SGCZ: variants seen among roughly 807,000 people sequenced by gnomAD.
The protein encoded by SGCZ is sarcoglycan zeta.
SGCZ carries 40 observed loss-of-function variants against 41.3 expected under a neutral mutation model. The observed-to-expected ratio is 0.97, with a 90% CI of 0.75 to 1.26. The LOEUF (loss-of-function observed/expected upper bound fraction) is 1.26, where lower values mean the gene tolerates loss of function less well. Ranked by LOEUF, SGCZ falls within the 50% of genes most tolerant of loss-of-function variation. The pLI, the probability that SGCZ is intolerant of heterozygous loss-of-function variation, is 0.00. For missense variants in SGCZ, 552 were observed against 369.8 expected, an observed-to-expected ratio of 1.49 and a Z score of -4.04; for synonymous variants, 206 against 137.5, an observed-to-expected ratio of 1.50 and a Z score of -3.49.
At chr8:14,758,781 G>A (rs1799766657) in intron 1 of SGCZ, among the ~76,000 whole-genome samples, 1 of 152,246 alleles carries the variant, frequency 6.6e-6, no homozygotes, top group African/African-American at 2.4e-5. Flanking sequence ...GGCCGAGGCG[G>A]GTGGATCACC....
At chr8:14,722,032 A>G (rs1440414819) in intron 1 of SGCZ, among the ~76,000 whole-genome samples, 1 of 152,092 alleles carries the variant, frequency 6.6e-6, no homozygotes, top group African/African-American at 2.4e-5. Context: ...CTTCTTTTGA[A>G]TGTCATCTTC....
At chr8:14,715,246 C>G (rs932311500) in intron 1 of SGCZ, among the ~76,000 whole-genome samples, 5 of 152,128 alleles carry the variant, frequency 3.3e-5, no homozygotes, top group Non-Finnish European at 5.9e-5. Context: ...TGATCCATCT[C>G]AAGAGGTTCA....
At chr8:14,565,363 A>G (rs1176924384) in intron 1 of SGCZ, among the ~76,000 whole-genome samples, 1 of 151,964 alleles carries the variant, frequency 6.6e-6, no homozygotes, top group Non-Finnish European at 1.5e-5. Context: ...TGGGCTTTTA[A>G]CTTTGAAATC....
At chr8:15,136,465 T>C (rs558799463) in intron 1 of SGCZ, among the ~76,000 whole-genome samples, 2 of 151,812 alleles carry the variant, frequency 1.3e-5, no homozygotes, top group Non-Finnish European at 2.9e-5. Context: ...AGGTGGGTAA[T>C]TGTCAGGGAA....
intron 1 of SGCZ, among the ~76,000 whole-genome samples, chr8:14,575,803 G>T (rs879865904): frequency 6.6e-6 from 1 of 151,834 alleles, no homozygotes; most frequent in Non-Finnish European, 1.5e-5. Flanking sequence ...CTACTTTGGA[G>T]GCTGAGGCAG....
intron 1 of SGCZ, among the ~76,000 whole-genome samples, chr8:14,568,033 A>T (rs10100882): frequency 0.017 from 2,609 of 152,246 alleles, 77 homozygotes; most frequent in African/African-American, 0.06. Context: ...TGGACACAAT[A>T]TGATCAACCT....
intron 1 of SGCZ, among the ~76,000 whole-genome samples, chr8:14,836,893 AC>A (rs1802719185): frequency 6.6e-6 from 1 of 152,186 alleles, no homozygotes; most frequent in Non-Finnish European, 1.5e-5. Context: ...AACAATATTC[AC>A]AGTCCAGAAT....
At chr8:14,527,550 A>T (rs886906434) in intron 2 of SGCZ, among the ~76,000 whole-genome samples, 11 of 150,872 alleles carry the variant, frequency 7.3e-5, no homozygotes, top group African/African-American at 2.2e-4. Context: ...ACCTTTTTTT[A>T]AAAAAACATC....
chr8:14,459,397 C>A (rs1365414537), intron 2 of SGCZ, among the ~76,000 whole-genome samples: 2 of 151,258 alleles, frequency 1.3e-5, no homozygotes, highest in Non-Finnish European at 2.9e-5. Context: ...TGCACATGTA[C>A]CCTAAACCTT....
intron 1 of SGCZ, among the ~76,000 whole-genome samples, chr8:15,039,375 A>G (rs972486228): frequency 6.6e-6 from 1 of 152,214 alleles, no homozygotes; most frequent in African/African-American, 2.4e-5. Context: ...CCAGGCACAG[A>G]GAGACAAATA....
Position 14,146,877 on chromosome 8 carries a change from AT to A in SGCZ, c.547+17702del, listed in dbSNP as rs1300956014. On this transcript the variant is annotated intron_variant, in intron 5 of 7. Coordinates refer to ENST00000382080, the MANE Select transcript of SGCZ (RefSeq NM_139167.4). Reference sequence around the variant, plus strand: ...ACAGAGCGAGACTCCGTCTCAAAAAATAAAAATAAAAAAAATAATAATAATA... The same window carrying A: ...ACAGAGCGAGACTCCGTCTCAAAAAAAAAAATAAAAAAAATAATAATAATA... Among the ~76,000 whole-genome samples the A allele has an allele frequency of 2.5e-4, 35 of 141,908 alleles. 1 individual carries two copies. In the East Asian group the frequency reaches 3.6e-3, roughly 15 times the overall value. The allele number at this position is 141,908 out of a possible 152,430, so 93.1% of individuals were successfully genotyped here. A position where few individuals can be genotyped will look rare whatever the true frequency, so the allele number is the denominator to read the frequency against.
intron 2 of SGCZ, among the ~76,000 whole-genome samples, chr8:14,552,137 G>T (rs1803889885): frequency 1.3e-5 from 2 of 151,918 alleles, no homozygotes; most frequent in South Asian, 4.1e-4. Context: ...GGTATTCTCT[G>T]TAGATATGAA....
At chr8:14,355,958 A>G (rs958054992) in intron 2 of SGCZ, among the ~76,000 whole-genome samples, 2 of 152,182 alleles carry the variant, frequency 1.3e-5, no homozygotes, top group Non-Finnish European at 2.9e-5. Flanking sequence ...TCATGGTGTG[A>G]AAGTAATACA....
At chr8:14,727,480 A>T (rs1474507061) in intron 1 of SGCZ, among the ~76,000 whole-genome samples, 2 of 151,894 alleles carry the variant, frequency 1.3e-5, no homozygotes, top group East Asian at 3.9e-4. Context: ...ACTCTTAGGT[A>T]TTTCACAAGA....
chr8:14,170,057 ATT>A (rs35045034), intron 4 of SGCZ, among the ~76,000 whole-genome samples: 90,734 of 148,668 alleles, frequency 0.61, 30,222 homozygotes, highest in Non-Finnish European at 0.75. Context: ...CTTTCACTTG[ATT>A]TTTTTTTTTT....
intron 1 of SGCZ, among the ~76,000 whole-genome samples, chr8:14,855,368 C>T (rs1803508002): frequency 6.6e-6 from 1 of 152,114 alleles, no homozygotes; most frequent in South Asian, 2.1e-4. Context: ...CATTCTTGAT[C>T]TGGGTATCAA....
chr8:14,434,114 G>T (rs1387744734), intron 2 of SGCZ, among the ~76,000 whole-genome samples: 2 of 152,190 alleles, frequency 1.3e-5, no homozygotes, highest in Non-Finnish European at 2.9e-5. Flanking sequence ...TTAGATTTAA[G>T]TCCTTAATCC....
At chr8:14,816,782 GAACT>G (rs1445468704) in intron 1 of SGCZ, among the ~76,000 whole-genome samples, 4 of 152,120 alleles carry the variant, frequency 2.6e-5, no homozygotes, top group Non-Finnish European at 5.9e-5. Flanking sequence ...CCTTAAAAAT[GAACT>G]AACTTAATTA....
chr8:14,376,402 T>G (rs911433837), intron 2 of SGCZ, among the ~76,000 whole-genome samples: 11 of 152,194 alleles, frequency 7.2e-5, no homozygotes, highest in African/African-American at 1.2e-4. Flanking sequence ...TGACTTTATT[T>G]TGAACACTGT....
Sources: allele counts gnomAD v4.1 joint callset (sites outside exome capture counted in the v4.1 genomes callset), GRCh38; gene constraint gnomAD v4.1.1; transcripts MANE v1.5; gene names NCBI Gene and HGNC (gene_info 2026-07-23, HGNC 2026-07-21).